The following DCX variants were observed in gnomAD, a reference collection of about 807,000 sequenced individuals.
The protein encoded by DCX is doublecortin.
In DCX, 4 loss-of-function variants were observed where a neutral mutation model predicts 20.9. The observed-to-expected ratio is 0.19, with a 90% CI of 0.09 to 0.44. The LOEUF (loss-of-function observed/expected upper bound fraction) is 0.44, where lower values mean the gene tolerates loss of function less well. Ranked by LOEUF, DCX falls within the 20% of genes least tolerant of loss-of-function variation. The pLI, the probability that DCX is intolerant of heterozygous loss-of-function variation, is 0.99. For missense variants in DCX, 133 were observed against 296.9 expected (o/e 0.45, Z 4.06); for synonymous variants, 103 against 111.4 (o/e 0.92, Z 0.47).
chrX:111,406,858 T>C (rs1928247445), intron 2 of DCX, among the ~76,000 whole-genome samples: 1 of 112,328 alleles, frequency 8.9e-6, no homozygotes, highest in Admixed American at 9.4e-5. Flanking sequence ...GGTCCAAAAT[T>C]ATGTTATGAT....
At chrX:111,307,580 T>A (rs2095048360) in intron 6 of DCX, among the ~76,000 whole-genome samples, 1 of 111,710 alleles carries the variant, frequency 9.0e-6, no homozygotes. Context: ...CTTCTAGATC[T>A]TAAAATTGAG....
intron 3 of DCX, among the ~76,000 whole-genome samples, chrX:111,369,038 A>G (rs1373384148): frequency 9.0e-6 from 1 of 110,580 alleles, no homozygotes; most frequent in Non-Finnish European, 1.9e-5. Flanking sequence ...AAAACTGAAG[A>G]ACTTGAAGTC....
intron 3 of DCX, among the ~76,000 whole-genome samples, chrX:111,385,779 GGGAGGGAAGGAAGGAAGGAA>G (rs1926416754): frequency 2.4e-5 from 2 of 81,661 alleles, no homozygotes; most frequent in African/African-American, 4.6e-5. Flanking sequence ...GAAGGAGGGA[GGGAGGGAAGGAAGGAAGGAA>G]GGAAGGAAGG....
At position 111,410,476 on chromosome X, in the gene DCX, G is replaced by C. The variant is rs1239400104; in HGVS notation, c.-22-56C>G. ...GAGAGGCAAAAACAAAAAGGGACAA[G>C]GAGAAGGAAAAAAGAAGGGATTTTA... On this transcript the variant is annotated intron_variant, in intron 1 of 6. Coordinates refer to ENST00000636035, the MANE Select transcript of DCX (RefSeq NM_001195553.2). The C allele has an allele frequency of 6.8e-6, 8 of 1,180,316 alleles. No homozygotes were observed. In the East Asian group the frequency reaches 2.1e-4, roughly 31 times the overall value.
At chrX:111,301,765 A>G (rs776698877) in intron 6 of DCX, 22 bp from the exon 7 acceptor site, 1 of 1,200,045 alleles carries the variant, frequency 8.3e-7, no homozygotes, top group Admixed American at 2.2e-5. Context: ...GAAGAGACAA[A>G]GTTAATTTTC....
At chrX:111,401,448 C>T in intron 2 of DCX, 118 bp from the exon 3 acceptor site, 1 of 660,936 alleles carries the variant, frequency 1.5e-6, no homozygotes, top group Non-Finnish European at 2.3e-6. Context: ...GTGATACTAA[C>T]CAACCTTAGG....
At position 111,295,725 on chromosome X, in the gene DCX, G is replaced by A. The variant is rs935728361; in HGVS notation, c.*5962C>T. 8.9e-6 allele frequency: 1 copy of A among 112,217 alleles called. No homozygotes were observed. The highest frequency in any genetic ancestry group is 3.3e-5 in the African/African-American group (1 of 30,738). 9.2% of individuals were successfully genotyped at this position (112,217 alleles called of 1,213,427 possible). A position where few individuals can be genotyped will look rare whatever the true frequency, so the allele number is the denominator to read the frequency against. ...TTCAGCTGATTATGTCTCTGAGCAC[G>A]CTTCACTGCTCCACAAAATGTCAGA... is the stretch of plus-strand genomic sequence containing the variant. On this transcript the variant is annotated 3_prime_UTR_variant, in exon 7 of 7. Transcript: ENST00000636035.
intron 2 of DCX, among the ~76,000 whole-genome samples, chrX:111,408,507 C>T (rs867492479): frequency 9.1e-6 from 1 of 109,680 alleles, no homozygotes. Flanking sequence ...GTAATCTCAG[C>T]TACTTGGGAG....
Position 111,330,163 on chromosome X carries a change from A to T in DCX, c.946+741T>A, listed in dbSNP as rs148085333. 2.3e-3 allele frequency among the ~76,000 whole-genome samples: 263 copies of T among 112,231 alleles called. 2 individuals are homozygous for T. Among genetic ancestry groups the T allele is most frequent in the African/African-American group, 8.1e-3 (250 of 30,911 alleles). On this transcript the variant is annotated intron_variant, in intron 5 of 6. Coordinates refer to ENST00000636035, the MANE Select transcript of DCX (RefSeq NM_001195553.2). ...CCTTCATCAATAAAATCAGGCTCTG[A>T]AAAAAAGGCAGCTGAGCTAAATGGT... is the stretch of plus-strand genomic sequence containing the variant.
At chrX:111,303,266 T>A (rs1313637884) in intron 6 of DCX, among the ~76,000 whole-genome samples, 1 of 109,745 alleles carries the variant, frequency 9.1e-6, no homozygotes, top group Non-Finnish European at 1.9e-5. Context: ...TTTTTATACA[T>A]GTTATCAGTA....
chrX:111,369,557 C>A (rs1924908569), intron 3 of DCX, among the ~76,000 whole-genome samples: 1 of 111,523 alleles, frequency 9.0e-6, no homozygotes, highest in African/African-American at 3.3e-5. Context: ...TCTGCATTAT[C>A]CAAGGGGATG....
chrX:111,331,169 T>C, intron 4 of DCX, 128 bp from the exon 5 acceptor site: 2 of 786,208 alleles, frequency 2.5e-6, no homozygotes, highest in Non-Finnish European at 3.8e-6. Flanking sequence ...AATGTGGTCC[T>C]TATTATTAGT....
chrX:111,305,141 G>T (rs1323029364), intron 6 of DCX, among the ~76,000 whole-genome samples: 1 of 111,300 alleles, frequency 9.0e-6, no homozygotes, highest in Non-Finnish European at 1.9e-5. Context: ...TAGAAACACA[G>T]AATCCATTGC....
At chrX:111,411,266 C>A in intron 1 of DCX, 1 of 311,646 alleles carries the variant, frequency 3.2e-6, no homozygotes, top group Non-Finnish European at 5.7e-6. Context: ...ACCCCCTCCC[C>A]ACTGATGCAG....
intron 3 of DCX, among the ~76,000 whole-genome samples, chrX:111,385,374 G>T (rs912246637): frequency 4.5e-5 from 5 of 111,504 alleles, no homozygotes; most frequent in African/African-American, 1.3e-4. Context: ...TCAAGTTCTT[G>T]GCTGGGTACA....
intron 3 of DCX, among the ~76,000 whole-genome samples, chrX:111,395,114 C>T (rs976306925): frequency 9.0e-6 from 1 of 111,628 alleles, no homozygotes; most frequent in East Asian, 2.8e-4. Flanking sequence ...GAAAACATGT[C>T]TCGACAGAAC....
At chrX:111,306,580 A>T (rs756166617) in intron 6 of DCX, among the ~76,000 whole-genome samples, 5 of 111,465 alleles carry the variant, frequency 4.5e-5, no homozygotes, top group African/African-American at 1.3e-4. Context: ...ACAAATACAC[A>T]TCTATGGAAT....
intron 3 of DCX, among the ~76,000 whole-genome samples, chrX:111,354,091 T>C (rs1923541060): frequency 9.0e-6 from 1 of 111,576 alleles, no homozygotes; most frequent in African/African-American, 3.3e-5. Flanking sequence ...TGGGAAAGGA[T>C]GAGTCAACTG....
intron 3 of DCX, among the ~76,000 whole-genome samples, chrX:111,398,043 G>A (rs921591061): frequency 1.8e-5 from 2 of 110,428 alleles, no homozygotes; most frequent in African/African-American, 6.6e-5. Flanking sequence ...TCTCTTTGGA[G>A]AGCTTTTTGG....
Sources: gnomAD v4.1 joint callset for allele counts (sites outside exome capture counted in the v4.1 genomes callset) on GRCh38, gnomAD v4.1.1 for gene constraint, MANE v1.5 for transcripts, NCBI Gene and HGNC (gene_info 2026-07-23, HGNC 2026-07-21) for gene names.